PPP6R3: variants seen among roughly 807,000 people sequenced by gnomAD.
PPP6R3 encodes serine/threonine-protein phosphatase 6 regulatory subunit 3.
A neutral mutation model predicts 110.7 loss-of-function variants in PPP6R3; 38 were observed. That is an observed-to-expected ratio of 0.34 (90% CI 0.26 to 0.45). PPP6R3 has a LOEUF of 0.45. Ranked by LOEUF, PPP6R3 falls within the 20% of genes least tolerant of loss-of-function variation. The pLI is 1.00. For missense variants in PPP6R3, 870 were observed against 1,062.4 expected, an observed-to-expected ratio of 0.82 and a Z score of 2.52; for synonymous variants, 369 against 373.5, an observed-to-expected ratio of 0.99 and a Z score of 0.14.
chr11:68,489,576 G>A (rs1479760702), intron 1 of PPP6R3, among the ~76,000 whole-genome samples: 8 of 151,828 alleles, frequency 5.3e-5, no homozygotes, highest in Admixed American at 5.3e-4. Context: ...GTGTGTGTGT[G>A]TGTTTTAATG....
intron 1 of PPP6R3, among the ~76,000 whole-genome samples, chr11:68,510,246 T>A (rs1333651931): frequency 6.6e-6 from 1 of 151,996 alleles, no homozygotes; most frequent in Non-Finnish European, 1.5e-5. Context: ...ATACTCAGGT[T>A]AAGTGATTTG....
chr11:68,542,391 T>TTTTTTTTTGTTTTG (rs1423480469), intron 3 of PPP6R3, among the ~76,000 whole-genome samples: 14 of 96,946 alleles, frequency 1.4e-4, no homozygotes, highest in Admixed American at 2.1e-4. Flanking sequence ...AAGCTGCTGT[T>TTTTTTTTTGTTTTG]TTTTTTTTTT....
At chr11:68,572,993 A>G (rs2099513655) in intron 12 of PPP6R3, among the ~76,000 whole-genome samples, 1 of 150,810 alleles carries the variant, frequency 6.6e-6, no homozygotes, top group Non-Finnish European at 1.5e-5. Context: ...TCTCTAAGCA[A>G]AAATCTCTGC....
intron 1 of PPP6R3, among the ~76,000 whole-genome samples, chr11:68,475,169 C>T (rs980030832): frequency 4.6e-5 from 7 of 152,178 alleles, no homozygotes; most frequent in South Asian, 2.1e-4. Context: ...CATCTTGCAC[C>T]GCCCTTAATC....
At chr11:68,471,914 C>CT (rs971151042) in intron 1 of PPP6R3, among the ~76,000 whole-genome samples, 15 of 146,720 alleles carry the variant, frequency 1.0e-4, no homozygotes, top group South Asian at 4.3e-4. Context: ...TGGACGTTGG[C>CT]TTTTTTTTTT....
intron 14 of PPP6R3, among the ~76,000 whole-genome samples, chr11:68,579,203 G>T (rs562060944): frequency 6.6e-6 from 1 of 152,138 alleles, no homozygotes; most frequent in African/African-American, 2.4e-5. Context: ...GATGCTGGGG[G>T]TCCTCAGTGG....
chr11:68,553,974 GAC>G (rs1291104586), intron 6 of PPP6R3, among the ~76,000 whole-genome samples, 169 bp from the exon 7 acceptor site: 1 of 152,130 alleles, frequency 6.6e-6, no homozygotes, highest in Non-Finnish European at 1.5e-5. Context: ...TCATTCACCT[GAC>G]AAAATACAAT....
chr11:68,535,632 A>T (rs2099265941), intron 2 of PPP6R3: 1 of 152,048 alleles, frequency 6.6e-6, no homozygotes, highest in African/African-American at 2.4e-5. Flanking sequence ...ATTCCTATTT[A>T]AAACTTGCTC....
chr11:68,530,043 A>C (rs1048602277), intron 2 of PPP6R3, among the ~76,000 whole-genome samples: 5 of 152,238 alleles, frequency 3.3e-5, no homozygotes, highest in African/African-American at 1.2e-4. Context: ...GATTTGGAAG[A>C]CTTAGTACCA....
chr11:68,483,486 T>C (rs1378169446), intron 1 of PPP6R3, among the ~76,000 whole-genome samples: 7 of 152,222 alleles, frequency 4.6e-5, no homozygotes, highest in Admixed American at 1.3e-4. Flanking sequence ...GTCCATACTT[T>C]AGGGTGTACT....
chr11:68,498,089 C>CA (rs1455583966), intron 1 of PPP6R3, among the ~76,000 whole-genome samples: 4 of 152,250 alleles, frequency 2.6e-5, no homozygotes, highest in Middle Eastern at 3.4e-3. Flanking sequence ...TTATATATGA[C>CA]TTTGTGCTCA....
chr11:68,507,126 T>A (rs2099082676), intron 1 of PPP6R3, among the ~76,000 whole-genome samples: 1 of 152,246 alleles, frequency 6.6e-6, no homozygotes, highest in Non-Finnish European at 1.5e-5. Context: ...AACAATGATG[T>A]AGTCCAATTA....
intron 12 of PPP6R3, among the ~76,000 whole-genome samples, chr11:68,573,114 T>TATATATATATATATA (rs1555173816): frequency 3.2e-5 from 2 of 61,796 alleles, no homozygotes; most frequent in Admixed American, 2.4e-4. Flanking sequence ...TTTACTTATT[T>TATATATATATATATA]TATATATATA....
intron 5 of PPP6R3, among the ~76,000 whole-genome samples, chr11:68,548,471 T>C (rs2099357937): frequency 6.6e-6 from 1 of 152,168 alleles, no homozygotes; most frequent in Admixed American, 6.5e-5. Flanking sequence ...GTTTGCTTTT[T>C]ATGGGGGTGG....
intron 19 of PPP6R3, among the ~76,000 whole-genome samples, chr11:68,600,054 G>A (rs1024830545): frequency 3.9e-5 from 6 of 152,204 alleles, no homozygotes; most frequent in Middle Eastern, 3.4e-3. Context: ...CCCGGGAGGC[G>A]GAGCTTGCAG....
chr11:68,614,980 TCTC>T lies in PPP6R3; in HGVS notation c.*1865_*1867del, dbSNP rs1464193886. ...CCTCCGTGGTATGGACCTGGTGGCT[TCTC>T]CATCCCACTGTGGCCTCTGTGGTAT... On this transcript the variant is annotated 3_prime_UTR_variant, in exon 24 of 24. Transcript: ENST00000393800. 1.7e-6 allele frequency: 1 copy of T among 571,614 alleles called. No homozygotes were observed. The highest frequency in any genetic ancestry group is 1.8e-5 in the African/African-American group (1 of 54,104). 35.4% of individuals were successfully genotyped at this position (571,614 alleles called of 1,614,324 possible).
At chr11:68,591,197 C>T (rs1408645743) in intron 17 of PPP6R3, among the ~76,000 whole-genome samples, 1 of 152,070 alleles carries the variant, frequency 6.6e-6, no homozygotes, top group African/African-American at 2.4e-5. Flanking sequence ...TGATTTGAGC[C>T]ATTGAAGGTT....
At chr11:68,595,202 T>C (rs1458674457) in intron 18 of PPP6R3, among the ~76,000 whole-genome samples, 1 of 30,438 alleles carries the variant, frequency 3.3e-5, no homozygotes, top group African/African-American at 3.4e-4. Context: ...TAAAAATAAT[T>C]TTTTTTTTTT....
chr11:68,579,953 T>A (rs963789256), intron 14 of PPP6R3, among the ~76,000 whole-genome samples: 1 of 152,206 alleles, frequency 6.6e-6, no homozygotes. Flanking sequence ...TTTGTCACAA[T>A]GTATCCTTGT....
Sources: allele counts gnomAD v4.1 joint callset (sites outside exome capture counted in the v4.1 genomes callset), GRCh38; gene constraint gnomAD v4.1.1; transcripts MANE v1.5; gene names NCBI Gene and HGNC (gene_info 2026-07-23, HGNC 2026-07-21).